The following RPRD2 variants were observed in gnomAD, a reference collection of about 807,000 sequenced individuals.
RPRD2 encodes the protein regulation of nuclear pre-mRNA domain containing 2, also known as regulation of nuclear pre-mRNA domain-containing protein 2.
In RPRD2, 12 loss-of-function variants were observed where a neutral mutation model predicts 104.4. The observed-to-expected ratio is 0.11, with a 90% CI of 0.07 to 0.19. RPRD2 has a LOEUF of 0.19. Among genes scored for constraint, RPRD2 ranks in the 10% least tolerant of loss-of-function variants. The pLI is 1.00. For missense variants in RPRD2, 1,543 were observed against 1,790.1 expected, an observed-to-expected ratio of 0.86 and a Z score of 2.49; for synonymous variants, 714 against 684.9, an observed-to-expected ratio of 1.04 and a Z score of -0.66.
intron 9 of RPRD2, 77 bp downstream of exon 9, chr1:150,460,394 G>A: frequency 1.8e-6 from 2 of 1,081,778 alleles, no homozygotes; most frequent in Non-Finnish European, 2.7e-6. Flanking sequence ...TTTTTGGGGG[G>A]GTTGTTGTTG....
intron 1 of RPRD2, among the ~76,000 whole-genome samples, chr1:150,385,379 A>T (rs1316930610): frequency 6.6e-6 from 1 of 152,202 alleles, no homozygotes; most frequent in Non-Finnish European, 1.5e-5. Context: ...CGGGAGGCTG[A>T]GACAGAATTA....
At chr1:150,368,126 C>T (rs1659978844) in intron 1 of RPRD2, among the ~76,000 whole-genome samples, 1 of 151,640 alleles carries the variant, frequency 6.6e-6, no homozygotes, top group Non-Finnish European at 1.5e-5. Context: ...TTCTTCACAT[C>T]CTGCCTCCTT....
At chr1:150,394,150 A>C (rs1384206813) in intron 1 of RPRD2, among the ~76,000 whole-genome samples, 1 of 151,988 alleles carries the variant, frequency 6.6e-6, no homozygotes, top group African/African-American at 2.4e-5. Context: ...TCCTGGGTTC[A>C]AGCGATTCTC....
intron 1 of RPRD2, among the ~76,000 whole-genome samples, chr1:150,387,624 T>G (rs1325482495): frequency 1.6e-5 from 2 of 123,892 alleles, no homozygotes; most frequent in Non-Finnish European, 1.6e-5. Flanking sequence ...GGAGTTTCAC[T>G]CTTGTCACCC....
chr1:150,457,761 A>G (rs939349842), intron 8 of RPRD2, among the ~76,000 whole-genome samples, 191 bp downstream of exon 8: 1 of 152,174 alleles, frequency 6.6e-6, no homozygotes, highest in African/African-American at 2.4e-5. Flanking sequence ...ATTGCTCAGT[A>G]TCTGCACTGT....
chr1:150,447,521 A>G (rs1375393753), intron 7 of RPRD2, among the ~76,000 whole-genome samples: 1 of 150,724 alleles, frequency 6.6e-6, no homozygotes, highest in Non-Finnish European at 1.5e-5. Context: ...TTTAGTAGAG[A>G]TGGGGTTTCT....
chr1:150,441,160 T>C, intron 3 of RPRD2, 137 bp downstream of exon 3: 1 of 512,188 alleles, frequency 2.0e-6, no homozygotes, highest in South Asian at 3.4e-5. Flanking sequence ...AAGTTAAATA[T>C]TTATGAAAAA....
At chr1:150,465,581 T>C (rs1000903529) in intron 10 of RPRD2, among the ~76,000 whole-genome samples, 43 of 152,144 alleles carry the variant, frequency 2.8e-4, no homozygotes, top group Non-Finnish European at 1.0e-4. Flanking sequence ...TACCTATCTG[T>C]CTATTCAGTA....
chr1:150,397,285 T>C (rs1662601848), intron 1 of RPRD2, among the ~76,000 whole-genome samples: 1 of 152,126 alleles, frequency 6.6e-6, no homozygotes, highest in African/African-American at 2.4e-5. Context: ...CAACAGCAAG[T>C]CTTATTGATT....
At chr1:150,392,315 G>A (rs1413461082) in intron 1 of RPRD2, among the ~76,000 whole-genome samples, 7 of 152,168 alleles carry the variant, frequency 4.6e-5, no homozygotes, top group Admixed American at 3.9e-4. Context: ...AGCCAGTCTG[G>A]CCAACATGGT....
chr1:150,373,224 C>T (rs902185611), intron 1 of RPRD2, among the ~76,000 whole-genome samples: 7 of 151,416 alleles, frequency 4.6e-5, no homozygotes, highest in South Asian at 2.1e-4. Context: ...ATATTGGTCA[C>T]GCTGGTCTCG....
chr1:150,378,472 T>C (rs1553880061), intron 1 of RPRD2, among the ~76,000 whole-genome samples: 1 of 152,116 alleles, frequency 6.6e-6, no homozygotes, highest in Non-Finnish European at 1.5e-5. Flanking sequence ...TTTCAGAGTA[T>C]ATTGGTATTT....
intron 1 of RPRD2, among the ~76,000 whole-genome samples, chr1:150,370,234 A>C (rs1180116208): frequency 6.6e-6 from 1 of 152,178 alleles, no homozygotes; most frequent in Admixed American, 6.5e-5. Context: ...TTTTAATGGT[A>C]AAATGGGAAT....
intron 7 of RPRD2, among the ~76,000 whole-genome samples, chr1:150,447,063 A>C (rs1399275290): frequency 1.3e-5 from 2 of 151,246 alleles, no homozygotes; most frequent in Non-Finnish European, 2.9e-5. Flanking sequence ...CTCAAACTCC[A>C]ACCTCGGGTG....
chr1:150,364,876 C>T lies in RPRD2; in HGVS notation c.162C>T (p.His54=). 3.7e-6 allele frequency: 6 copies of T among 1,613,962 alleles called. No homozygotes were observed. Among genetic ancestry groups the T allele is most frequent in the Non-Finnish European group, 5.1e-6 (6 of 1,179,844 alleles). ...LSSWCIENKK[H]HSTIVYHWMK... ...CTTGGTGTATAGAGAACAAAAAACA[C>T]CACAGTACTATCGTCTATCATTGGA... The change falls in exon 1 of 11, where the codon CAC becomes CAT. Residue 54 remains histidine, a synonymous_variant. Coordinates refer to ENST00000369068, the MANE Select transcript of RPRD2 (RefSeq NM_015203.5).
chr1:150,465,337 C>T (rs12132890), intron 10 of RPRD2, among the ~76,000 whole-genome samples: 33,671 of 151,670 alleles, frequency 0.22, 4,241 homozygotes, highest in African/African-American at 0.32. Context: ...AGGCTGGTCT[C>T]GAACTCCTGA....
chr1:150,415,490 C>T (rs943299772), intron 1 of RPRD2, among the ~76,000 whole-genome samples: 5 of 151,814 alleles, frequency 3.3e-5, no homozygotes, highest in Admixed American at 3.3e-4. Context: ...CAGGACCAGC[C>T]TGGGCAACAT....
At chr1:150,371,456 C>T (rs370999145) in intron 1 of RPRD2, among the ~76,000 whole-genome samples, 144 of 152,288 alleles carry the variant, frequency 9.5e-4, no homozygotes, top group African/African-American at 3.3e-3. Flanking sequence ...CTCCGCCTCC[C>T]GTGTTCACTC....
At chr1:150,462,689 G>A (rs1272795094) in intron 9 of RPRD2, among the ~76,000 whole-genome samples, 5 of 151,982 alleles carry the variant, frequency 3.3e-5, no homozygotes, top group Non-Finnish European at 7.4e-5. Flanking sequence ...CTGAGTAGCT[G>A]GGACTACAGG....
Sources: gnomAD v4.1 joint callset for allele counts (sites outside exome capture counted in the v4.1 genomes callset) on GRCh38, gnomAD v4.1.1 for gene constraint, MANE v1.5 for transcripts, NCBI Gene and HGNC (gene_info 2026-07-23, HGNC 2026-07-21) for gene names.